Variants in IFNGR2 observed in about 807,000 individuals in gnomAD.
The protein encoded by IFNGR2 is IFN-gamma receptor 2.
IFNGR2 carries 15 observed loss-of-function variants against 41.1 expected under a neutral mutation model. The ratio of observed to expected loss-of-function variants is 0.37; its 90% CI spans 0.24 to 0.56. The LOEUF (loss-of-function observed/expected upper bound fraction) is 0.56, where lower values mean the gene tolerates loss of function less well. Among genes scored for constraint, IFNGR2 ranks in the 20% least tolerant of loss-of-function variants. The probability of loss-of-function intolerance (pLI) is 0.81; values close to 1 mark genes in which losing one functional copy is unlikely to be tolerated. For synonymous variants in IFNGR2, 161 were observed against 171.6 expected (o/e 0.94, Z 0.48); for missense variants, 362 against 415.7 (o/e 0.87, Z 1.12).
intron 1 of IFNGR2, among the ~76,000 whole-genome samples, chr21:33,411,242 G>C (rs2083713397): frequency 6.6e-6 from 1 of 152,208 alleles, no homozygotes; most frequent in Non-Finnish European, 1.5e-5. Context: ...TGGAAGGCTG[G>C]CATGGGAACC....
chr21:33,413,820 C>A (rs1470757227), intron 1 of IFNGR2, among the ~76,000 whole-genome samples: 1 of 136,966 alleles, frequency 7.3e-6, no homozygotes, highest in East Asian at 2.1e-4. Flanking sequence ...TTTATTGCCC[C>A]CTAACCTTTT....
At chr21:33,425,787 GCA>G (rs368645809) in intron 3 of IFNGR2, among the ~76,000 whole-genome samples, 45 of 152,318 alleles carry the variant, frequency 3.0e-4, no homozygotes, top group African/African-American at 9.6e-4. Context: ...CAGTTCTTTT[GCA>G]CAGAGAGAAG....
chr21:33,436,074 G>A (rs1476360859), intron 6 of IFNGR2, among the ~76,000 whole-genome samples: 2 of 151,270 alleles, frequency 1.3e-5, no homozygotes, highest in African/African-American at 4.9e-5. Flanking sequence ...ATAAAAAATT[G>A]TTGCCGGGTG....
chr21:33,403,367 G>C (rs1247844216), upstream of IFNGR2: 1 of 195,224 alleles, frequency 5.1e-6, no homozygotes, highest in African/African-American at 2.4e-5. Context: ...GCGGGGGCGG[G>C]GGCGCGGGCG....
At chr21:33,427,727 C>A (rs2083850633) in intron 4 of IFNGR2, among the ~76,000 whole-genome samples, 1 of 151,790 alleles carries the variant, frequency 6.6e-6, no homozygotes, top group African/African-American at 2.4e-5. Context: ...ATGGGAACTT[C>A]ATGATTTCCT....
chr21:33,437,014 G>C lies in IFNGR2; in HGVS notation c.*52G>C, dbSNP rs895571365. On this transcript the variant is annotated 3_prime_UTR_variant, in exon 7 of 7. Transcript: ENST00000290219. ...CTCCCTGGAAGAGATCAAGCCATCGGAGCTGCTAGAGTTCTGTCTGGACTT... is the reference window on the plus strand; with the variant it reads ...CTCCCTGGAAGAGATCAAGCCATCGCAGCTGCTAGAGTTCTGTCTGGACTT... The C allele has an allele frequency of 6.3e-7, 1 of 1,598,698 alleles. No homozygotes were observed. The highest frequency in any genetic ancestry group is 8.6e-7 in the Non-Finnish European group (1 of 1,166,970).
chr21:33,431,753 TAG>T (rs1191918590), intron 4 of IFNGR2, among the ~76,000 whole-genome samples: 1 of 152,170 alleles, frequency 6.6e-6, no homozygotes. Flanking sequence ...GTACTTTTAG[TAG>T]AGACTGGGTT....
At chr21:33,415,860 CTG>C (rs1427531394) in intron 2 of IFNGR2, among the ~76,000 whole-genome samples, 1 of 152,046 alleles carries the variant, frequency 6.6e-6, no homozygotes, top group Non-Finnish European at 1.5e-5. Flanking sequence ...GCATGTGTGT[CTG>C]TTTGTTGTTG....
chr21:33,424,506 T>G (rs1016735863), intron 3 of IFNGR2, among the ~76,000 whole-genome samples: 1 of 152,120 alleles, frequency 6.6e-6, no homozygotes, highest in Non-Finnish European at 1.5e-5. Context: ...GGTGGTCTCA[T>G]GTCACATCTG....
chr21:33,405,276 CT>C (rs1232798378), intron 1 of IFNGR2, among the ~76,000 whole-genome samples: 1 of 152,120 alleles, frequency 6.6e-6, no homozygotes, highest in African/African-American at 2.4e-5. Flanking sequence ...AAGCTATAAC[CT>C]TGTGTTGTGG....
chr21:33,427,841 C>CTTTTTTTTT lies in IFNGR2; in HGVS notation c.561+809_561+810insTTTTTTTTT, dbSNP rs2083851840. On this transcript the variant is annotated intron_variant, in intron 4 of 6. Coordinates refer to ENST00000290219, the MANE Select transcript of IFNGR2 (RefSeq NM_005534.4). ...GAATTTTAGATACTTCATCTCATTT[C>CTTTTTTTTT]ATCTTTTTTTTTTTTTTTTTTTTGA... is the stretch of plus-strand genomic sequence containing the variant. Among the ~76,000 whole-genome samples, 17 of 116,902 alleles carry CTTTTTTTTT rather than the reference C, an allele frequency of 1.5e-4. 1 individual carries two copies. The highest frequency in any genetic ancestry group is 2.6e-4 in the East Asian group (1 of 3,838). 76.7% of individuals were successfully genotyped at this position (116,902 alleles called of 152,430 possible). A position where few individuals can be genotyped will look rare whatever the true frequency, so the allele number is the denominator to read the frequency against.
chr21:33,415,141 A>G, intron 2 of IFNGR2, 121 bp downstream of exon 2: 1 of 1,234,158 alleles, frequency 8.1e-7, no homozygotes, highest in Non-Finnish European at 1.2e-6. Context: ...TGGGAAACAC[A>G]TCGTTCTTGG....
At chr21:33,431,568 C>CA (rs565277488) in intron 4 of IFNGR2, among the ~76,000 whole-genome samples, 59 of 143,640 alleles carry the variant, frequency 4.1e-4, no homozygotes, top group East Asian at 1.0e-3. Flanking sequence ...AACTCCATCT[C>CA]AAAAAAAAAA....
At chr21:33,430,097 C>T (rs1341716687) in intron 4 of IFNGR2, among the ~76,000 whole-genome samples, 1 of 152,200 alleles carries the variant, frequency 6.6e-6, no homozygotes, top group Non-Finnish European at 1.5e-5. Flanking sequence ...CGAGATCACA[C>T]TACTGCACTC....
At chr21:33,410,166 A>T (rs1050566841) in intron 1 of IFNGR2, among the ~76,000 whole-genome samples, 3 of 137,168 alleles carry the variant, frequency 2.2e-5, no homozygotes, top group Admixed American at 1.5e-4. Flanking sequence ...AATTACAATA[A>T]TTTTTTTTTT....
chr21:33,412,019 G>A (rs979285797), intron 1 of IFNGR2, among the ~76,000 whole-genome samples: 2 of 152,128 alleles, frequency 1.3e-5, no homozygotes, highest in African/African-American at 2.4e-5. Context: ...GAACTCCTGG[G>A]CTCCAGTGAT....
chr21:33,432,655 C>G (rs2083900335), intron 5 of IFNGR2, 59 bp from the exon 6 acceptor site: 6 of 1,569,710 alleles, frequency 3.8e-6, no homozygotes, highest in Non-Finnish European at 5.3e-6. Flanking sequence ...GGAACATTAA[C>G]TGATGTTTGT....
In IFNGR2 at chr21:33,421,533, C is replaced by T; in HGVS notation, c.260C>T (p.Thr87Ile). ...ADIMSIGVNCTQITATECDFT... is the reference protein window; with the variant it reads ...ADIMSIGVNCIQITATECDFT... The stretch of plus-strand genomic sequence containing the variant: ...ATCATGTCCATAGGGGTGAATTGTA[C>T]ACAGATCACAGCAACAGAGTGTGAC... The change falls in exon 3 of 7, where the codon ACA becomes ATA. Residue 87 changes from threonine (T) to isoleucine (I), a missense_variant. Coordinates refer to ENST00000290219, the MANE Select transcript of IFNGR2 (RefSeq NM_005534.4). 1 of 1,613,960 alleles carries T rather than the reference C, an allele frequency of 6.2e-7. No homozygotes were observed. Among genetic ancestry groups the T allele is most frequent in the East Asian group, 2.2e-5 (1 of 44,884 alleles).
Position 33,403,571 on chromosome 21 carries a change from C to A in IFNGR2, c.28C>A (p.Leu10Met). The A allele has an allele frequency of 7.3e-7, 1 of 1,368,976 alleles. No homozygotes were observed. Among genetic ancestry groups the A allele is most frequent in the Non-Finnish European group, 9.5e-7 (1 of 1,056,246 alleles). 84.8% of individuals were successfully genotyped at this position (1,368,976 alleles called of 1,614,324 possible). Reference sequence around the variant, plus strand: ...GCGACCGACGCTGCTGTGGTCGCTGCTGCTGCTGCTCGGAGTCTTCGCCGC... The same window carrying A: ...GCGACCGACGCTGCTGTGGTCGCTGATGCTGCTGCTCGGAGTCTTCGCCGC... Reference protein sequence around the residue: MRPTLLWSLLLLLGVFAAAA... With the variant: MRPTLLWSLMLLLGVFAAAA... Residue 10 changes from leucine (L) to methionine (M), a missense_variant, in exon 1 of 7, where the codon CTG becomes ATG. Coordinates refer to ENST00000290219, the MANE Select transcript of IFNGR2 (RefSeq NM_005534.4).
Sources: gnomAD v4.1 joint callset for allele counts (sites outside exome capture counted in the v4.1 genomes callset) on GRCh38, gnomAD v4.1.1 for gene constraint, MANE v1.5 for transcripts, NCBI Gene and HGNC (gene_info 2026-07-23, HGNC 2026-07-21) for gene names.